PDXDC1: variants seen among roughly 807,000 people sequenced by gnomAD.
The protein encoded by PDXDC1 is pyridoxal dependent decarboxylase domain containing 1.
In PDXDC1, 42 loss-of-function variants were observed where a neutral mutation model predicts 100.1. That is an observed-to-expected ratio of 0.42 (90% CI 0.33 to 0.54). The LOEUF is 0.54. PDXDC1 is among the 20% of genes least tolerant of loss of function. PDXDC1 has a pLI of 0.10. For missense variants in PDXDC1, 636 were observed against 979.2 expected (o/e 0.65, Z 4.68); for synonymous variants, 260 against 371.7 (o/e 0.70, Z 3.46).
chr16:15,042,753 G>A (rs866292011), downstream of PDXDC1, among the ~76,000 whole-genome samples: 1 of 68,368 alleles, frequency 1.5e-5, no homozygotes, highest in African/African-American at 3.7e-5. Context: ...TATTTATTGA[G>A]ACGAAGTCTC....
intron 16 of PDXDC1, chr16:15,047,143 C>G: frequency 2.4e-6 from 1 of 419,510 alleles, no homozygotes; most frequent in Non-Finnish European, 4.3e-6. Context: ...GCTACCACAC[C>G]CGGGGGAGAG....
At position 15,047,253 on chromosome 16, in the gene PDXDC1, C is replaced by A. The variant is rs752810062; in HGVS notation, c.1399+17197C>A. On this transcript the variant is annotated intron_variant, in intron 16 of 16. Transcript: ENST00000535621. The stretch of plus-strand genomic sequence containing the variant: ...ATCCAGCACAGACTCCTTGCCTGTG[C>A]CCAGCACCCACTCATTCACTCAACC... The A allele has an allele frequency of 2.3e-5, 14 of 596,724 alleles. No homozygotes were observed. In the East Asian group the frequency reaches 3.9e-4, roughly 17 times the overall value. The allele number at this position is 596,724 out of a possible 1,614,324, so 37.0% of individuals were successfully genotyped here.
At chr16:15,048,063 G>A in intron 16 of PDXDC1, 1 of 1,612,710 alleles carries the variant, frequency 6.2e-7, no homozygotes, top group Non-Finnish European at 8.5e-7. Flanking sequence ...GGTCCCACTT[G>A]TTGAACAGAC....
chr16:15,150,356 A>T, the PDXDC1 span, among the ~76,000 whole-genome samples: 2 of 148,360 alleles, frequency 1.3e-5, no homozygotes, highest in Admixed American at 1.3e-4. Flanking sequence ...ACAATAAATA[A>T]ATAAATAAAT....
chr16:15,135,967 C>T, intron 16 of PDXDC1: 2 of 1,575,900 alleles, frequency 1.3e-6, no homozygotes, highest in Non-Finnish European at 1.7e-6. Flanking sequence ...GCGCCGGGCA[C>T]CCCGGCTGGT....
At chr16:14,985,591 AT>A (rs1969186255) in intron 1 of PDXDC1, among the ~76,000 whole-genome samples, 1 of 152,260 alleles carries the variant, frequency 6.6e-6, no homozygotes, top group Non-Finnish European at 1.5e-5. Flanking sequence ...GGCCTTGCCA[AT>A]TTATAATTTT....
chr16:14,990,277 CCCGCCGCAA>C (rs1217778649), intron 1 of PDXDC1: 135 of 315,672 alleles, frequency 4.3e-4, no homozygotes, highest in African/African-American at 2.0e-3. Context: ...CACCCCGGCC[CCCGCCGCAA>C]CCGCCGCAGC....
At chr16:15,066,110 G>T (rs1321427558) in intron 16 of PDXDC1, among the ~76,000 whole-genome samples, 1 of 152,178 alleles carries the variant, frequency 6.6e-6, no homozygotes, top group Non-Finnish European at 1.5e-5. Context: ...GGTCACCATG[G>T]CAACTTCAAG....
At chr16:15,128,827 A>G (rs976440986) in intron 16 of PDXDC1, among the ~76,000 whole-genome samples, 1 of 146,068 alleles carries the variant, frequency 6.8e-6, no homozygotes, top group African/African-American at 2.5e-5. Flanking sequence ...TTTTTTTGAG[A>G]TGGAGTCTTG....
At chr16:15,047,597 G>GC in intron 16 of PDXDC1, 1 of 1,354,316 alleles carries the variant, frequency 7.4e-7, no homozygotes, top group Non-Finnish European at 1.1e-6. Flanking sequence ...TGATGCGAGT[G>GC]CAGTGCGCAG....
At chr16:15,003,451 C>T (rs1474010811) in intron 4 of PDXDC1, among the ~76,000 whole-genome samples, 44 of 152,274 alleles carry the variant, frequency 2.9e-4, no homozygotes, top group Admixed American at 1.3e-3. Context: ...CTCCTGACCT[C>T]GTGATCCGCC....
At chr16:14,995,143 G>C (rs1283139415) in intron 1 of PDXDC1, among the ~76,000 whole-genome samples, 2 of 152,288 alleles carry the variant, frequency 1.3e-5, no homozygotes, top group African/African-American at 4.8e-5. Flanking sequence ...TCCTTCTCCT[G>C]CCTCATTGCC....
At chr16:15,072,889 G>T in intron 16 of PDXDC1, 1 of 1,576,194 alleles carries the variant, frequency 6.3e-7, no homozygotes. Flanking sequence ...CCAGTTTTTA[G>T]GGAAAATTTT....
intron 8 of PDXDC1, among the ~76,000 whole-genome samples, chr16:15,013,874 C>CAAAAAAAAAAAAAAAAAA (rs58185654): frequency 7.4e-6 from 1 of 135,964 alleles, no homozygotes. Context: ...GTCTCTGTCT[C>CAAAAAAAAAAAAAAAAAA]AAAAAAAAAA....
intron 16 of PDXDC1, chr16:15,125,447 C>A (rs2047657272): frequency 3.4e-6 from 3 of 872,966 alleles, no homozygotes; most frequent in Non-Finnish European, 5.8e-6. Flanking sequence ...GGTGTGACCA[C>A]ATGGAGCCAC....
intron 15 of PDXDC1, chr16:15,029,421 G>A: frequency 2.5e-6 from 1 of 402,334 alleles, no homozygotes; most frequent in Non-Finnish European, 4.3e-6. Flanking sequence ...GGCGGCAGCA[G>A]CAGTTCTAGC....
intron 16 of PDXDC1, among the ~76,000 whole-genome samples, chr16:15,085,413 G>A (rs1222669945): frequency 6.6e-6 from 1 of 152,028 alleles, no homozygotes; most frequent in Non-Finnish European, 1.5e-5. Context: ...AGCCTCCCAG[G>A]TAGCTGTGAC....
At chr16:15,140,106 A>AAAAT (rs2048442695), downstream of PDXDC1, among the ~76,000 whole-genome samples, 1 of 145,058 alleles carries the variant, frequency 6.9e-6, no homozygotes, top group Non-Finnish European at 1.6e-5. Flanking sequence ...AAAAAAAAAA[A>AAAAT]AAAAAAAAAA....
At chr16:15,033,853 A>G (rs1422046926) in intron 19 of PDXDC1, among the ~76,000 whole-genome samples, 1 of 152,216 alleles carries the variant, frequency 6.6e-6, no homozygotes, top group East Asian at 1.9e-4. Context: ...ATGGAGGACC[A>G]GGATACAAGG....
Sources: allele counts gnomAD v4.1 joint callset (sites outside exome capture counted in the v4.1 genomes callset), GRCh38; gene constraint gnomAD v4.1.1; transcripts MANE v1.5; gene names NCBI Gene and HGNC (gene_info 2026-07-23, HGNC 2026-07-21).